Variants in ZEB1 observed in about 807,000 individuals in gnomAD.
The protein encoded by ZEB1 is zinc finger E-box-binding homeobox 1.
In ZEB1, 21 loss-of-function variants were observed where a neutral mutation model predicts 84.9. The observed-to-expected ratio is 0.25, with a 90% CI of 0.18 to 0.36. The LOEUF is 0.36. Ranked by LOEUF, ZEB1 falls within the 10% of genes least tolerant of loss-of-function variation. The probability of loss-of-function intolerance (pLI) is 1.00; values close to 1 mark genes in which losing one functional copy is unlikely to be tolerated. For synonymous variants in ZEB1, 420 were observed against 471.1 expected, an observed-to-expected ratio of 0.89 and a Z score of 1.41; for missense variants, 1,104 against 1,330.2, an observed-to-expected ratio of 0.83 and a Z score of 2.65.
chr10:31,476,223 T>C (rs1006577737), intron 2 of ZEB1, among the ~76,000 whole-genome samples: 3 of 151,670 alleles, frequency 2.0e-5, no homozygotes, highest in Non-Finnish European at 4.4e-5. Context: ...ACTAGTTTAA[T>C]GAAGAAAAAA....
intron 1 of ZEB1, among the ~76,000 whole-genome samples, chr10:31,354,830 T>C (rs2041868983): frequency 6.6e-6 from 1 of 152,206 alleles, no homozygotes; most frequent in Admixed American, 6.5e-5. Flanking sequence ...TGCTGCATTA[T>C]AGTGATCTTT....
chr10:31,475,469 A>G (rs1194681611), intron 2 of ZEB1, among the ~76,000 whole-genome samples: 1 of 152,190 alleles, frequency 6.6e-6, no homozygotes, highest in Non-Finnish European at 1.5e-5. Context: ...ACTGTACAAC[A>G]TTAACATGAC....
chr10:31,468,768 C>T (rs900377375), intron 2 of ZEB1, among the ~76,000 whole-genome samples: 7 of 152,172 alleles, frequency 4.6e-5, no homozygotes, highest in Admixed American at 2.0e-4. Flanking sequence ...CAAGGGGCAA[C>T]GAAAAATAAT....
At position 31,406,363 on chromosome 10, in the gene ZEB1, C is replaced by G. The variant is rs371751073; in HGVS notation, c.59-54674C>G. Among the ~76,000 whole-genome samples, 26 of 152,210 alleles carry G rather than the reference C, an allele frequency of 1.7e-4. No individual in the cohort carries two copies. The South Asian group carries it at 3.9e-3, about 23-fold the overall frequency. On this transcript the variant is annotated intron_variant, in intron 1 of 8. Transcript: ENST00000424869. ...CATCCTCTCCAGCATCTGTTGTTTCCTGACTTTTTAATGATCGCCATTCTA... is the reference window on the plus strand; with the variant it reads ...CATCCTCTCCAGCATCTGTTGTTTCGTGACTTTTTAATGATCGCCATTCTA...
intron 1 of ZEB1, among the ~76,000 whole-genome samples, chr10:31,323,486 C>G (rs1428281607): frequency 2.0e-5 from 3 of 151,998 alleles, no homozygotes; most frequent in Non-Finnish European, 4.4e-5. Flanking sequence ...TAGATTTTAT[C>G]TTTTCCTTCC....
intron 1 of ZEB1, among the ~76,000 whole-genome samples, chr10:31,323,050 G>A (rs1364972516): frequency 6.6e-6 from 1 of 152,052 alleles, no homozygotes; most frequent in East Asian, 1.9e-4. Context: ...CTAGAAAGAA[G>A]CAGGACTGTT....
At chr10:31,494,550 A>G (rs1206788359) in intron 2 of ZEB1, among the ~76,000 whole-genome samples, 3 of 152,002 alleles carry the variant, frequency 2.0e-5, no homozygotes, top group Non-Finnish European at 4.4e-5. Flanking sequence ...CAATTTAACA[A>G]TCAAACCTAA....
intron 4 of ZEB1, 21 bp from the exon 5 acceptor site, chr10:31,510,652 T>C: frequency 6.3e-7 from 1 of 1,597,612 alleles, no homozygotes; most frequent in Non-Finnish European, 8.6e-7. Context: ...AAATTTAAAA[T>C]ATATGATCTT....
intron 1 of ZEB1, chr10:31,362,841 T>A: frequency 9.3e-7 from 1 of 1,080,508 alleles, no homozygotes; most frequent in Non-Finnish European, 1.4e-6. Context: ...GTGTCTTCTT[T>A]CTCCTCCTAA....
At chr10:31,447,785 G>GT (rs1276079191) in intron 1 of ZEB1, among the ~76,000 whole-genome samples, 9 of 152,208 alleles carry the variant, frequency 5.9e-5, no homozygotes, top group Non-Finnish European at 1.3e-4. Context: ...GAGATCAGCT[G>GT]TTAGTCTGAT....
chr10:31,527,470 G>A lies in ZEB1; in HGVS notation c.*206G>A. 1 of 663,988 alleles carries A rather than the reference G, an allele frequency of 1.5e-6. No homozygotes were observed. Among genetic ancestry groups the A allele is most frequent in the South Asian group, 2.2e-5 (1 of 46,072 alleles). 41.1% of individuals were successfully genotyped at this position (663,988 alleles called of 1,614,324 possible). A position where few individuals can be genotyped will look rare whatever the true frequency, so the allele number is the denominator to read the frequency against. On this transcript the variant is annotated 3_prime_UTR_variant, in exon 9 of 9. Transcript: ENST00000424869. ...ACACACACAAAATAAATCCGGGTGT[G>A]CCTGAACCTCAGACCTAGTAATTTT...
chr10:31,430,215 G>T (rs1472703150), intron 1 of ZEB1, among the ~76,000 whole-genome samples: 1 of 152,086 alleles, frequency 6.6e-6, no homozygotes, highest in East Asian at 1.9e-4. Flanking sequence ...ACTAGTTAAG[G>T]TATAGACTGT....
chr10:31,456,824 T>A (rs1347265859), intron 1 of ZEB1, among the ~76,000 whole-genome samples: 1 of 152,164 alleles, frequency 6.6e-6, no homozygotes, highest in East Asian at 1.9e-4. Flanking sequence ...CCTTACTGTG[T>A]ACCAGACACT....
intron 4 of ZEB1, among the ~76,000 whole-genome samples, chr10:31,504,030 C>T (rs954751328): frequency 1.4e-5 from 2 of 138,218 alleles, no homozygotes; most frequent in African/African-American, 7.0e-5. Context: ...GCAATAAAGT[C>T]TTTGCCTACC....
intron 2 of ZEB1, among the ~76,000 whole-genome samples, chr10:31,476,015 C>G (rs1397609545): frequency 6.6e-6 from 1 of 151,956 alleles, no homozygotes; most frequent in African/African-American, 2.4e-5. Context: ...AGAAGCAGGA[C>G]TTAACCATCT....
At position 31,319,443 on chromosome 10, in the gene ZEB1, C is replaced by T. The variant is rs565191996; in HGVS notation, c.58+151C>T. ...GAAAGTAGAAAGTAGTGCTCTCTGCCCCCCTCCGCTGCCGCCGCTGCCGGA... is the reference window on the plus strand; with the variant it reads ...GAAAGTAGAAAGTAGTGCTCTCTGCTCCCCTCCGCTGCCGCCGCTGCCGGA... On this transcript the variant is annotated intron_variant, in intron 1 of 8. Transcript: ENST00000424869. 66 of 728,992 alleles carry T rather than the reference C, an allele frequency of 9.1e-5. No individual in the cohort carries two copies. The East Asian group carries it at 1.2e-3, about 14-fold the overall frequency. The allele number at this position is 728,992 out of a possible 1,614,324, so 45.2% of individuals were successfully genotyped here. A position where few individuals can be genotyped will look rare whatever the true frequency, so the allele number is the denominator to read the frequency against.
intron 2 of ZEB1, among the ~76,000 whole-genome samples, chr10:31,465,082 GA>G (rs2062237074): frequency 6.6e-6 from 1 of 152,070 alleles, no homozygotes; most frequent in Non-Finnish European, 1.5e-5. Context: ...AGTATAATTG[GA>G]TTGTTTGTAA....
At chr10:31,471,706 C>A (rs2063279084) in intron 2 of ZEB1, among the ~76,000 whole-genome samples, 1 of 146,392 alleles carries the variant, frequency 6.8e-6, no homozygotes, top group Admixed American at 6.7e-5. Context: ...CTGCACCAAG[C>A]AGACCTAATA....
At chr10:31,466,278 C>G (rs1256237560) in intron 2 of ZEB1, among the ~76,000 whole-genome samples, 1 of 152,186 alleles carries the variant, frequency 6.6e-6, no homozygotes, top group Non-Finnish European at 1.5e-5. Context: ...ACCTGATATA[C>G]AGAACATTCC....
Sources: gnomAD v4.1 joint callset for allele counts (sites outside exome capture counted in the v4.1 genomes callset) on GRCh38, gnomAD v4.1.1 for gene constraint, MANE v1.5 for transcripts, NCBI Gene and HGNC (gene_info 2026-07-23, HGNC 2026-07-21) for gene names.